NDUFAF7: variants seen among roughly 807,000 people sequenced by gnomAD.
The protein encoded by NDUFAF7 is NADH:ubiquinone oxidoreductase complex assembly factor 7.
In NDUFAF7, 48 loss-of-function variants were observed where a neutral mutation model predicts 47.2. That is an observed-to-expected ratio of 1.02 (90% CI 0.81 to 1.29). The LOEUF (loss-of-function observed/expected upper bound fraction) is 1.29, where lower values mean the gene tolerates loss of function less well. Among genes scored for constraint, NDUFAF7 ranks in the 50% most tolerant of loss-of-function variants. NDUFAF7 has a pLI of 0.00. For missense variants in NDUFAF7, 635 were observed against 537.6 expected (o/e 1.18, Z -1.79); for synonymous variants, 217 against 190.0 (o/e 1.14, Z -1.17).
Position 37,233,642 on chromosome 2 carries a change from T to TAAAA in NDUFAF7, c.216+1376_216+1377insAAAA, listed in dbSNP as rs1665443590. On this transcript the variant is annotated intron_variant, in intron 2 of 9. Transcript: ENST00000002125. ...GTCTCAAAAAAAAAAAAAAAAAAAG[T>TAAAA]GAGCCTGGTGTTCAGAAGAAAGACT... Among the ~76,000 whole-genome samples, 2 of 126,436 alleles carry TAAAA rather than the reference T, an allele frequency of 1.6e-5. 1 individual carries two copies. The highest frequency in any genetic ancestry group is 5.6e-5 in the African/African-American group (2 of 35,446). The allele number at this position is 126,436 out of a possible 152,430, so 82.9% of individuals were successfully genotyped here.
At chr2:37,270,171 G>A in the NDUFAF7 span, among the ~76,000 whole-genome samples, 1 of 151,886 alleles carries the variant, frequency 6.6e-6, no homozygotes, top group Non-Finnish European at 1.5e-5. Context: ...AGGTTGTGGT[G>A]AGCCAAGACT....
chr2:37,254,128 G>C (rs1242303752), downstream of NDUFAF7: 1 of 1,003,470 alleles, frequency 1.0e-6, no homozygotes, highest in Admixed American at 1.7e-5. Flanking sequence ...ATCTTAGAGT[G>C]GTCTCATTAG....
intron 8 of NDUFAF7, 68 bp from the exon 9 acceptor site, chr2:37,247,388 A>C (rs537026894): frequency 1.1e-5 from 17 of 1,542,604 alleles, no homozygotes; most frequent in Middle Eastern, 3.4e-4. Context: ...AAATAACTTT[A>C]ATATGATAGC....
the NDUFAF7 span, among the ~76,000 whole-genome samples, chr2:37,260,579 C>T: frequency 2.9e-4 from 44 of 152,224 alleles, no homozygotes; most frequent in African/African-American, 9.9e-4. Context: ...GGAGAGTAGC[C>T]GCACTGAGGG....
At chr2:37,254,189 T>G, downstream of NDUFAF7, 1 of 1,581,914 alleles carries the variant, frequency 6.3e-7, no homozygotes, top group East Asian at 2.2e-5. Context: ...AAAGAGAGAT[T>G]ACATTTTTTT....
At chr2:37,253,207 A>G (rs1396498893), downstream of NDUFAF7, 6 of 1,610,802 alleles carry the variant, frequency 3.7e-6, no homozygotes, top group Non-Finnish European at 5.1e-6. Context: ...CATCTGGATT[A>G]GGAGCCATAA....
downstream of NDUFAF7, chr2:37,256,905 C>T: frequency 1.2e-6 from 2 of 1,613,976 alleles, no homozygotes; most frequent in Non-Finnish European, 1.7e-6. Flanking sequence ...ATGATGCGTG[C>T]AAATCCAAAG....
At chr2:37,256,425 A>T (rs555850517), downstream of NDUFAF7, among the ~76,000 whole-genome samples, 1 of 152,320 alleles carries the variant, frequency 6.6e-6, no homozygotes, top group African/African-American at 2.4e-5. Context: ...TGGTTTGACA[A>T]TGAGGCCACT....
At chr2:37,262,540 A>C in the NDUFAF7 span, among the ~76,000 whole-genome samples, 1 of 152,228 alleles carries the variant, frequency 6.6e-6, no homozygotes, top group Non-Finnish European at 1.5e-5. Context: ...TATAGTAGAT[A>C]AATGAAACTC....
chr2:37,263,257 C>A, the NDUFAF7 span, among the ~76,000 whole-genome samples: 1 of 152,078 alleles, frequency 6.6e-6, no homozygotes, highest in African/African-American at 2.4e-5. Flanking sequence ...ATTTTGATTT[C>A]GCTCTTTGAT....
In NDUFAF7 at chr2:37,249,054, AAGATTT is replaced by A. The variant is rs1225837080; in HGVS notation, c.*707_*712del. On this transcript the variant is annotated 3_prime_UTR_variant, in exon 10 of 10. Transcript: ENST00000002125. ...AATATGTTTTGACAGAAAACTCTCT[AAGATTT>A]AGTAAGTGAAAAAAAGTAGGATGCA... 1.3e-5 allele frequency: 2 copies of A among 152,314 alleles called. No individual in the cohort carries two copies. Among genetic ancestry groups the A allele is most frequent in the Non-Finnish European group, 2.9e-5 (2 of 68,112 alleles). 9.4% of individuals were successfully genotyped at this position (152,314 alleles called of 1,614,324 possible). A position where few individuals can be genotyped will look rare whatever the true frequency, so the allele number is the denominator to read the frequency against.
At chr2:37,242,178 A>G (rs573233143) in intron 5 of NDUFAF7, 49 of 260,186 alleles carry the variant, frequency 1.9e-4, no homozygotes, top group African/African-American at 9.5e-4. Flanking sequence ...GCCTAAAGAC[A>G]AGCAAGGTGT....
downstream of NDUFAF7, chr2:37,256,682 C>T (rs867018275): frequency 9.4e-7 from 1 of 1,058,600 alleles, no homozygotes; most frequent in Non-Finnish European, 1.4e-6. Flanking sequence ...AATTTCTCTC[C>T]ATGGATTTGG....
Position 37,241,779 on chromosome 2 carries a change from G to T in NDUFAF7, c.610G>T (p.Asp204Tyr). The change falls in exon 5 of 10, where the codon GAT becomes TAT. Residue 204 changes from aspartate to tyrosine, a missense_variant. Coordinates refer to ENST00000002125, the MANE Select transcript of NDUFAF7 (RefSeq NM_144736.5). Reference protein sequence around the residue: ...IPISWYRDLHDVPKGYSFYLA... With the variant: ...IPISWYRDLHYVPKGYSFYLA... ...AATTTCCTGGTACCGAGATCTGCAC[G>T]ATGTTCCAAAAGGTAATTACCTTTA... The T allele has an allele frequency of 2.5e-6, 4 of 1,613,326 alleles. No individual in the cohort carries two copies. Among genetic ancestry groups the T allele is most frequent in the Non-Finnish European group, 3.4e-6 (4 of 1,179,848 alleles).
At chr2:37,260,846 C>T in the NDUFAF7 span, among the ~76,000 whole-genome samples, 2 of 152,018 alleles carry the variant, frequency 1.3e-5, no homozygotes, top group African/African-American at 4.8e-5. Flanking sequence ...ATATTATAAT[C>T]ATTAATTCCC....
At position 37,248,895 on chromosome 2, in the gene NDUFAF7, C is replaced by A; in HGVS notation, c.*545C>A. ...TGCCACTGCACTCCAGCCTGGGCAACAAGAGCAAAAATCCCTCTCAAAAAA... is the reference window on the plus strand; with the variant it reads ...TGCCACTGCACTCCAGCCTGGGCAAAAAGAGCAAAAATCCCTCTCAAAAAA... On this transcript the variant is annotated 3_prime_UTR_variant, in exon 10 of 10. Transcript: ENST00000002125. 1 of 147,708 alleles carries A rather than the reference C, an allele frequency of 6.8e-6. No homozygotes were observed. Among genetic ancestry groups the A allele is most frequent in the Non-Finnish European group, 1.5e-5 (1 of 67,624 alleles). 9.1% of individuals were successfully genotyped at this position (147,708 alleles called of 1,614,324 possible).
At position 37,232,186 on chromosome 2, in the gene NDUFAF7, C is replaced by A. The variant is rs1337588525; in HGVS notation, c.136C>A (p.His46Asn). Reference protein sequence around the residue: ...AENPVTPMLRHLMYKIKSTGP... With the variant: ...AENPVTPMLRNLMYKIKSTGP... ...AAACCCGGTGACGCCGATGCTGCGG[C>A]ATCTTATGTACAAAATAAAGTCTAC... Residue 46 changes from histidine (H) to asparagine (N), a missense_variant, in exon 2 of 10, where the codon CAT (histidine) becomes AAT (asparagine). Coordinates refer to ENST00000002125, the MANE Select transcript of NDUFAF7 (RefSeq NM_144736.5). 1 of 1,614,192 alleles carries A rather than the reference C, an allele frequency of 6.2e-7. No individual in the cohort carries two copies. Among genetic ancestry groups the A allele is most frequent in the South Asian group, 1.1e-5 (1 of 91,084 alleles).
rs767773015 is a variant in NDUFAF7, at chr2:37,232,284, C to G, written c.216+18C>G. On this transcript the variant is annotated intron_variant, in intron 2 of 9. Transcript: ENST00000002125. ...CAGCCAAGGTATGGGTCGGGTAGCC[C>G]GAGGACTAGGCCCTCTCTAGCCGAT... is the stretch of plus-strand genomic sequence containing the variant. 11 of 1,612,054 alleles carry G rather than the reference C, an allele frequency of 6.8e-6. No individual in the cohort carries two copies. The highest frequency in any genetic ancestry group is 1.1e-5 in the South Asian group (1 of 90,996).
chr2:37,231,845 G>A, intron 1 of NDUFAF7, 85 bp downstream of exon 1: 2 of 1,598,218 alleles, frequency 1.3e-6, no homozygotes, highest in Non-Finnish European at 1.7e-6. Flanking sequence ...GGTACCGGGG[G>A]ATCAAGGGCT....
Sources: gnomAD v4.1 joint callset for allele counts (sites outside exome capture counted in the v4.1 genomes callset) on GRCh38, gnomAD v4.1.1 for gene constraint, MANE v1.5 for transcripts, NCBI Gene and HGNC (gene_info 2026-07-23, HGNC 2026-07-21) for gene names.